The following TBC1D19 variants were observed in gnomAD, a reference collection of about 807,000 sequenced individuals.
The protein encoded by TBC1D19 is TBC1 domain family, member 19.
TBC1D19 carries 60 observed loss-of-function variants against 89.0 expected under a neutral mutation model. The observed-to-expected ratio is 0.67, with a 90% CI of 0.55 to 0.84. TBC1D19 has a LOEUF of 0.84. TBC1D19 is among the 40% of genes least tolerant of loss of function. TBC1D19 has a pLI of 0.00. For synonymous variants in TBC1D19, 189 were observed against 199.7 expected (o/e 0.95, Z 0.45); for missense variants, 500 against 610.8 (o/e 0.82, Z 1.91).
At chr4:26,637,476 A>G (rs923186514) in intron 5 of TBC1D19, among the ~76,000 whole-genome samples, 191 bp downstream of exon 5, 8 of 151,944 alleles carry the variant, frequency 5.3e-5, no homozygotes, top group Admixed American at 5.2e-4. Flanking sequence ...GGGTTCAAGC[A>G]ATTCTCCTGC....
chr4:26,581,780 T>A (rs1194731559), upstream of TBC1D19, among the ~76,000 whole-genome samples: 1 of 152,212 alleles, frequency 6.6e-6, no homozygotes, highest in Non-Finnish European at 1.5e-5. Flanking sequence ...GGACTGAAAT[T>A]TCTTGAAAGA....
intron 4 of TBC1D19, among the ~76,000 whole-genome samples, chr4:26,622,480 G>A (rs997195626): frequency 6.6e-6 from 1 of 152,020 alleles, no homozygotes; most frequent in African/African-American, 2.4e-5. Context: ...GAGAATATAT[G>A]TGAGTGATAG....
chr4:26,656,524 A>G (rs947432144), intron 7 of TBC1D19, among the ~76,000 whole-genome samples: 1 of 151,194 alleles, frequency 6.6e-6, no homozygotes. Context: ...AGATTCCTAC[A>G]TTAAATGGTA....
At chr4:26,832,810 A>G in the TBC1D19 span, among the ~76,000 whole-genome samples, 1 of 152,276 alleles carries the variant, frequency 6.6e-6, no homozygotes, top group South Asian at 2.1e-4. Context: ...CCTGGCAAAC[A>G]TGGCAAAACC....
At chr4:26,811,333 C>T in the TBC1D19 span, among the ~76,000 whole-genome samples, 7 of 152,302 alleles carry the variant, frequency 4.6e-5, no homozygotes, top group Admixed American at 4.6e-4. Context: ...GGGAGGGGGA[C>T]ATCACACAAT....
At chr4:26,647,380 T>C (rs1198712953) in intron 7 of TBC1D19, among the ~76,000 whole-genome samples, 1 of 152,180 alleles carries the variant, frequency 6.6e-6, no homozygotes, top group African/African-American at 2.4e-5. Context: ...ATTTCACTCT[T>C]TCTCTTGGAC....
chr4:26,614,272 A>G, intron 2 of TBC1D19, 136 bp from the exon 3 acceptor site: 1 of 585,000 alleles, frequency 1.7e-6, no homozygotes, highest in Non-Finnish European at 2.9e-6. Context: ...AACGCTTTAC[A>G]TAGGGATTGG....
chr4:26,852,985 G>A, the TBC1D19 span, among the ~76,000 whole-genome samples: 1 of 152,168 alleles, frequency 6.6e-6, no homozygotes, highest in Non-Finnish European at 1.5e-5. Flanking sequence ...TCTCTTGTCT[G>A]GACTGTGCAG....
Position 26,637,369 on chromosome 4 carries a change from CATTTATTT to C in TBC1D19, c.369+98_369+105del. 2.7e-6 allele frequency: 3 copies of C among 1,108,906 alleles called. No individual in the cohort carries two copies. In the South Asian group the frequency reaches 4.2e-5, roughly 16 times the overall value. The allele number at this position is 1,108,906 out of a possible 1,614,324, so 68.7% of individuals were successfully genotyped here. On this transcript the variant is annotated intron_variant, in intron 5 of 20. Coordinates refer to ENST00000264866, the MANE Select transcript of TBC1D19 (RefSeq NM_018317.4). ...CATGAAGTTATATAACTGTTAGGCA[CATTTATTT>C]ATTTATTTATTTAGAGACAGAGTCT...
chr4:26,611,037 A>T (rs113228579), intron 1 of TBC1D19, among the ~76,000 whole-genome samples: 1 of 152,228 alleles, frequency 6.6e-6, no homozygotes, highest in East Asian at 1.9e-4. Context: ...GCTTTCCCCA[A>T]TGGCTGAACT....
At chr4:26,680,928 C>T (rs1368844208) in intron 11 of TBC1D19, among the ~76,000 whole-genome samples, 1 of 152,162 alleles carries the variant, frequency 6.6e-6, no homozygotes, top group Non-Finnish European at 1.5e-5. Context: ...ACTGTCTCAT[C>T]CACAAGTCAC....
At chr4:26,688,438 C>A in intron 13 of TBC1D19, 31 bp downstream of exon 13, 1 of 1,504,730 alleles carries the variant, frequency 6.6e-7, no homozygotes, top group South Asian at 1.2e-5. Flanking sequence ...ACATAGTGTT[C>A]TTGTTTTAGG....
At chr4:26,805,403 G>A in the TBC1D19 span, among the ~76,000 whole-genome samples, 42 of 152,252 alleles carry the variant, frequency 2.8e-4, no homozygotes, top group South Asian at 8.3e-3. Context: ...CAGCCACAGC[G>A]TCCTCATCCG....
chr4:26,715,378 C>T (rs531650786), intron 13 of TBC1D19, among the ~76,000 whole-genome samples: 164 of 152,094 alleles, frequency 1.1e-3, no homozygotes, highest in Non-Finnish European at 1.9e-3. Flanking sequence ...TTGGCCCTGC[C>T]GTCACAGTGT....
At chr4:26,785,918 C>T in the TBC1D19 span, among the ~76,000 whole-genome samples, 1 of 152,150 alleles carries the variant, frequency 6.6e-6, no homozygotes, top group Admixed American at 6.5e-5. Context: ...CATTGTAATA[C>T]ACAGGGGTAG....
chr4:26,598,968 T>A (rs1376623436), intron 1 of TBC1D19, among the ~76,000 whole-genome samples: 1 of 149,408 alleles, frequency 6.7e-6, no homozygotes, highest in Non-Finnish European at 1.5e-5. Flanking sequence ...TGGGCAAGAA[T>A]AGAAAGAAGG....
chr4:26,729,831 G>T (rs568608131), intron 15 of TBC1D19, among the ~76,000 whole-genome samples: 78 of 152,260 alleles, frequency 5.1e-4, no homozygotes, highest in African/African-American at 1.9e-3. Context: ...TAAATACAGG[G>T]ACAATGTCAT....
chr4:26,652,303 T>C (rs1430276750), intron 7 of TBC1D19, among the ~76,000 whole-genome samples: 1 of 152,218 alleles, frequency 6.6e-6, no homozygotes, highest in Non-Finnish European at 1.5e-5. Flanking sequence ...AGCTCCTCTT[T>C]GTACCTCTGG....
intron 3 of TBC1D19, among the ~76,000 whole-genome samples, chr4:26,618,756 T>C (rs1741848965): frequency 6.6e-6 from 1 of 152,164 alleles, no homozygotes; most frequent in African/African-American, 2.4e-5. Flanking sequence ...AATTGGTGAA[T>C]AGGTTGAAAA....
Sources: gnomAD v4.1 joint callset for allele counts (sites outside exome capture counted in the v4.1 genomes callset) on GRCh38, gnomAD v4.1.1 for gene constraint, MANE v1.5 for transcripts, NCBI Gene and HGNC (gene_info 2026-07-23, HGNC 2026-07-21) for gene names.